The following HTR4 variants were observed in gnomAD, a reference collection of about 807,000 sequenced individuals.
The protein encoded by HTR4 is 5-hydroxytryptamine (serotonin) receptor 4, G protein-coupled.
HTR4 carries 16 observed loss-of-function variants against 36.8 expected under a neutral mutation model. The observed-to-expected ratio is 0.43, with a 90% CI of 0.29 to 0.66. The LOEUF (loss-of-function observed/expected upper bound fraction) is 0.66, where lower values mean the gene tolerates loss of function less well. HTR4 is among the 30% of genes least tolerant of loss of function. HTR4 has a pLI of 0.13. For missense variants in HTR4, 438 were observed against 490.9 expected, an observed-to-expected ratio of 0.89 and a Z score of 1.02; for synonymous variants, 189 against 185.1, an observed-to-expected ratio of 1.02 and a Z score of -0.17.
intron 2 of HTR4, among the ~76,000 whole-genome samples, chr5:148,600,906 T>C (rs975554021): frequency 8.5e-5 from 9 of 106,234 alleles, no homozygotes; most frequent in Admixed American, 1.2e-4. Flanking sequence ...TAAGAGAAAA[T>C]ACATGCAAAC....
chr5:148,614,638 A>C (rs1752585999), intron 2 of HTR4, among the ~76,000 whole-genome samples: 1 of 152,220 alleles, frequency 6.6e-6, no homozygotes, highest in African/African-American at 2.4e-5. Context: ...CTTCATGTCT[A>C]AGACACCAAA....
At chr5:148,542,205 T>C (rs1159372464) in intron 4 of HTR4, among the ~76,000 whole-genome samples, 1 of 152,166 alleles carries the variant, frequency 6.6e-6, no homozygotes, top group Admixed American at 6.5e-5. Flanking sequence ...CAACAAATAT[T>C]ATGTACAAAG....
intron 2 of HTR4, among the ~76,000 whole-genome samples, chr5:148,633,208 C>T (rs1464108939): frequency 6.6e-6 from 1 of 152,080 alleles, no homozygotes; most frequent in Non-Finnish European, 1.5e-5. Flanking sequence ...AGCTTTTCAT[C>T]ATGATTCAAT....
intron 6 of HTR4, 76 bp from the exon 7 acceptor site, chr5:148,483,369 G>T (rs1755985728): frequency 6.1e-6 from 8 of 1,320,094 alleles, no homozygotes; most frequent in Non-Finnish European, 5.3e-6. Flanking sequence ...GAGCCCACCT[G>T]CATGGCAGGA....
At chr5:148,508,963 A>G (rs1183474312) in intron 6 of HTR4, among the ~76,000 whole-genome samples, 1 of 152,130 alleles carries the variant, frequency 6.6e-6, no homozygotes, top group Admixed American at 6.6e-5. Context: ...GAGTATGCAG[A>G]TGGCTAGTAG....
intron 2 of HTR4, among the ~76,000 whole-genome samples, chr5:148,560,393 A>C (rs1760152162): frequency 6.6e-6 from 1 of 152,248 alleles, no homozygotes; most frequent in East Asian, 1.9e-4. Context: ...TCTTGGGTGA[A>C]GACCAAAATT....
At chr5:148,565,002 C>T (rs533982949) in intron 2 of HTR4, among the ~76,000 whole-genome samples, 11 of 150,802 alleles carry the variant, frequency 7.3e-5, no homozygotes, top group South Asian at 2.1e-4. Context: ...ACCAGCTACT[C>T]GGGAGGTTGA....
chr5:148,543,138 T>C (rs998437019), intron 4 of HTR4, among the ~76,000 whole-genome samples: 8 of 152,204 alleles, frequency 5.3e-5, no homozygotes, highest in African/African-American at 1.9e-4. Context: ...ATTTGTTGAC[T>C]GTGACTATTT....
At chr5:148,589,884 T>C (rs1761491781) in intron 2 of HTR4, among the ~76,000 whole-genome samples, 1 of 152,182 alleles carries the variant, frequency 6.6e-6, no homozygotes, top group Admixed American at 6.5e-5. Context: ...TCAGCAATTT[T>C]TAAGTATACA....
At chr5:148,527,973 G>A (rs1758364080) in intron 4 of HTR4, among the ~76,000 whole-genome samples, 1 of 152,112 alleles carries the variant, frequency 6.6e-6, no homozygotes, top group South Asian at 2.1e-4. Context: ...GAAGTAAAGT[G>A]CTTGGGCAAT....
chr5:148,548,824 T>C lies in HTR4; in HGVS notation c.197A>G (p.Asp66Gly). ...NYFIVSLAFA[D>G]LLVSVLVMPF... ...CATCACCAGCACCGAAACCAGCAGA[T>C]CCGCAAAAGCAAGAGATACAATGAA... Residue 66 changes from aspartate to glycine, a missense_variant, in exon 4 of 7, where the codon GAT becomes GGT. Transcript: ENST00000377888. 6.2e-7 allele frequency: 1 copy of C among 1,613,754 alleles called. No homozygotes were observed. Among genetic ancestry groups the C allele is most frequent in the South Asian group, 1.1e-5 (1 of 91,068 alleles).
intron 5 of HTR4, among the ~76,000 whole-genome samples, chr5:148,458,292 G>C (rs1444918476): frequency 6.6e-6 from 1 of 151,442 alleles, no homozygotes; most frequent in Admixed American, 6.6e-5. Flanking sequence ...TTTTACAGTT[G>C]GTATTTTTTC....
chr5:148,486,621 G>C (rs550090738), intron 6 of HTR4, among the ~76,000 whole-genome samples: 1 of 152,348 alleles, frequency 6.6e-6, no homozygotes, highest in South Asian at 2.1e-4. Context: ...GGGTGACAGA[G>C]ACAGGCCTTC....
chr5:148,580,439 T>A (rs543774947), intron 2 of HTR4, among the ~76,000 whole-genome samples: 1 of 152,190 alleles, frequency 6.6e-6, no homozygotes, highest in Admixed American at 6.5e-5. Context: ...AACCAATGAG[T>A]AAGTGCACTG....
chr5:148,636,360 C>T (rs1312088962), intron 2 of HTR4, among the ~76,000 whole-genome samples: 3 of 152,120 alleles, frequency 2.0e-5, no homozygotes, highest in Non-Finnish European at 2.9e-5. Context: ...CCTCAAATGC[C>T]AATTCATAAC....
At chr5:148,600,503 G>A (rs1761950641) in intron 2 of HTR4, among the ~76,000 whole-genome samples, 1 of 150,794 alleles carries the variant, frequency 6.6e-6, no homozygotes, top group African/African-American at 2.4e-5. Context: ...AGCTAAGAAA[G>A]GAATTCAGGA....
Position 148,482,926 on chromosome 5 carries a change from A to G in HTR4, c.*277T>C, listed in dbSNP as rs1484912060. 4 of 1,332,000 alleles carry G rather than the reference A, an allele frequency of 3.0e-6. No individual in the cohort carries two copies. The highest frequency in any genetic ancestry group is 2.9e-6 in the Non-Finnish European group (3 of 1,034,500). 82.5% of individuals were successfully genotyped at this position (1,332,000 alleles called of 1,614,324 possible). On this transcript the variant is annotated 3_prime_UTR_variant, in exon 7 of 7. Transcript: ENST00000377888. ...ACACAGTGAGTGACGGGAACATGTC[A>G]GAGACACCAGAGACCACGCGGCAAA...
intron 4 of HTR4, among the ~76,000 whole-genome samples, chr5:148,544,271 CTCTCTT>C (rs1759262220): frequency 1.3e-5 from 2 of 151,108 alleles, no homozygotes; most frequent in East Asian, 1.9e-4. Context: ...TTCTCTCTCT[CTCTCTT>C]TCTCTCTTTC....
intron 6 of HTR4, among the ~76,000 whole-genome samples, chr5:148,506,053 C>T (rs1757188306): frequency 6.6e-6 from 1 of 152,108 alleles, no homozygotes; most frequent in Admixed American, 6.6e-5. Flanking sequence ...CAAAAAAGAG[C>T]CCGCATTGCC....
Sources: gnomAD v4.1 joint callset for allele counts (sites outside exome capture counted in the v4.1 genomes callset) on GRCh38, gnomAD v4.1.1 for gene constraint, MANE v1.5 for transcripts, NCBI Gene and HGNC (gene_info 2026-07-23, HGNC 2026-07-21) for gene names.